FBXO34: variants seen among roughly 807,000 people sequenced by gnomAD.
FBXO34 encodes the protein F-box only protein 34.
Under a neutral mutation model 24.5 loss-of-function variants are expected in FBXO34, and 12 were observed. The observed-to-expected ratio is 0.49, with a 90% CI of 0.31 to 0.79. The LOEUF (loss-of-function observed/expected upper bound fraction) is 0.79. Among genes scored for constraint, FBXO34 ranks in the 30% least tolerant of loss-of-function variants. FBXO34 has a pLI of 0.04. For synonymous variants in FBXO34, 320 were observed against 311.9 expected (o/e 1.03, Z -0.27); for missense variants, 823 against 857.7 (o/e 0.96, Z 0.51).
intron 1 of FBXO34, among the ~76,000 whole-genome samples, chr14:55,304,763 G>A (rs535531976): frequency 6.6e-6 from 1 of 152,128 alleles, no homozygotes; most frequent in Non-Finnish European, 1.5e-5. Context: ...GCCTCCCAAA[G>A]TGTTGATTAT....
chr14:55,298,877 G>C lies in FBXO34; in HGVS notation c.-11+27340G>C, dbSNP rs1882238921. On this transcript the variant is annotated intron_variant, in intron 1 of 1. Coordinates refer to ENST00000313833, the MANE Select transcript of FBXO34 (RefSeq NM_017943.4). ...TCGACGGTACATTATCAACCATCGA[G>C]TTCCAGCAGCAGGCCCTGGAGAATG... 1.9e-6 allele frequency: 3 copies of C among 1,606,230 alleles called. No homozygotes were observed. The African/African-American group carries it at 4.0e-5, about 21-fold the overall frequency.
chr14:55,289,869 A>C (rs1881885023), intron 1 of FBXO34, among the ~76,000 whole-genome samples: 1 of 152,100 alleles, frequency 6.6e-6, no homozygotes, highest in South Asian at 2.1e-4. Flanking sequence ...TAAAAAAAAA[A>C]ACAAGTATGG....
At chr14:55,343,751 C>G (rs1884068080) in intron 1 of FBXO34, among the ~76,000 whole-genome samples, 1 of 152,178 alleles carries the variant, frequency 6.6e-6, no homozygotes, top group South Asian at 2.1e-4. Context: ...CCTATTAGCA[C>G]TAAGAGAAAT....
chr14:55,378,446 A>G, the FBXO34 span, among the ~76,000 whole-genome samples: 3 of 152,248 alleles, frequency 2.0e-5, no homozygotes, highest in African/African-American at 7.2e-5. Context: ...TGCTTTATGC[A>G]GAATGGCAGT....
chr14:55,439,617 C>CCCGCCCG, the FBXO34 span, among the ~76,000 whole-genome samples: 2 of 72,628 alleles, frequency 2.8e-5, 1 homozygote, highest in African/African-American at 9.0e-5. Context: ...AAAGCAAACC[C>CCCGCCCG]CCCCCCGTCT....
chr14:55,368,777 A>G (rs1884743043), downstream of FBXO34: 1 of 152,236 alleles, frequency 6.6e-6, no homozygotes, highest in Admixed American at 6.5e-5. Context: ...TTGAGCTTAC[A>G]TAAGGGAATG....
At chr14:55,388,760 G>A in the FBXO34 span, among the ~76,000 whole-genome samples, 9 of 152,256 alleles carry the variant, frequency 5.9e-5, 1 homozygote, top group Admixed American at 2.0e-4. Context: ...AATTTTCTAA[G>A]TCTGGTCTAG....
At chr14:55,325,434 ATTTTC>A (rs986602243) in intron 1 of FBXO34, among the ~76,000 whole-genome samples, 3 of 151,900 alleles carry the variant, frequency 2.0e-5, no homozygotes, top group African/African-American at 7.3e-5. Context: ...TAACATGTTT[ATTTTC>A]TTTGGTCCTC....
the FBXO34 span, among the ~76,000 whole-genome samples, chr14:55,442,448 GCTCT>G: frequency 3.3e-5 from 5 of 151,554 alleles, no homozygotes; most frequent in Admixed American, 6.6e-5. Context: ...ACTAGATTTT[GCTCT>G]CTGAGAGCAA....
chr14:55,429,047 T>C, the FBXO34 span: 1 of 1,538,778 alleles, frequency 6.5e-7, no homozygotes, highest in South Asian at 1.2e-5. Flanking sequence ...TGTATTGGAT[T>C]GTTACCATTT....
In FBXO34 at chr14:55,298,340, T is replaced by A. The variant is rs557529871; in HGVS notation, c.-11+26803T>A. 1.3e-5 allele frequency among the ~76,000 whole-genome samples: 2 copies of A among 152,208 alleles called. 1 individual carries two copies. The highest frequency in any genetic ancestry group is 4.8e-5 in the African/African-American group (2 of 41,532). On this transcript the variant is annotated intron_variant, in intron 1 of 1. Transcript: ENST00000313833. ...CCCCTGGTGTAGTGGTTCCTCCCAC[T>A]TCTCCCATACTTGACCCTTATTTGA...
chr14:55,312,715 G>T (rs1882789368), intron 1 of FBXO34, among the ~76,000 whole-genome samples: 2 of 152,340 alleles, frequency 1.3e-5, no homozygotes, highest in Admixed American at 1.3e-4. Context: ...TGAAGTAATG[G>T]CCTGAGCTGT....
At chr14:55,346,451 C>G (rs1486652774) in intron 1 of FBXO34, among the ~76,000 whole-genome samples, 2 of 152,190 alleles carry the variant, frequency 1.3e-5, no homozygotes, top group Admixed American at 6.5e-5. Context: ...TTGAGGCTAT[C>G]ATTAACTAGT....
chr14:55,394,978 G>T, the FBXO34 span: 1 of 432,728 alleles, frequency 2.3e-6, no homozygotes, highest in Non-Finnish European at 4.6e-6. Flanking sequence ...CTTCAAAGGG[G>T]CTCTCCTCAG....
At chr14:55,441,559 C>T in the FBXO34 span, among the ~76,000 whole-genome samples, 3,878 of 152,264 alleles carry the variant, frequency 0.025, 130 homozygotes, top group African/African-American at 0.077. Context: ...TCAAATCCCA[C>T]GTGGTTTTTC....
intron 1 of FBXO34, among the ~76,000 whole-genome samples, chr14:55,334,421 A>G (rs12435015): frequency 1.5e-4 from 23 of 151,730 alleles, no homozygotes; most frequent in Non-Finnish European, 2.7e-4. Flanking sequence ...GATTACTTCT[A>G]TCTTGAAGAC....
intron 1 of FBXO34, among the ~76,000 whole-genome samples, chr14:55,329,030 A>C (rs1408671400): frequency 6.6e-6 from 1 of 151,804 alleles, no homozygotes; most frequent in South Asian, 2.1e-4. Flanking sequence ...CCCGTGTATC[A>C]ATCAATCCTG....
downstream of FBXO34, chr14:55,369,632 G>T (rs1884766219): frequency 6.5e-7 from 1 of 1,529,068 alleles, no homozygotes; most frequent in African/African-American, 1.4e-5. Flanking sequence ...ACGGTGTCCA[G>T]TGTAAGCTTT....
intron 1 of FBXO34, among the ~76,000 whole-genome samples, chr14:55,324,462 G>A (rs928902387): frequency 1.3e-5 from 2 of 150,812 alleles, no homozygotes; most frequent in African/African-American, 2.4e-5. Context: ...TTGCTGGGTC[G>A]TGTGGCAGTT....
Sources: allele counts gnomAD v4.1 joint callset (sites outside exome capture counted in the v4.1 genomes callset), GRCh38; gene constraint gnomAD v4.1.1; transcripts MANE v1.5; gene names NCBI Gene and HGNC (gene_info 2026-07-23, HGNC 2026-07-21).